The following DNAJB4 variants were observed in gnomAD, a reference collection of about 807,000 sequenced individuals.
DNAJB4 encodes dnaJ homolog subfamily B member 4.
Under a neutral mutation model 26.6 loss-of-function variants are expected in DNAJB4, and 10 were observed. The observed-to-expected ratio is 0.38, with a 90% confidence interval of 0.23 to 0.64. DNAJB4 has a LOEUF of 0.64. Among genes scored for constraint, DNAJB4 ranks in the 30% least tolerant of loss-of-function variants. The pLI, the probability that DNAJB4 is intolerant of heterozygous loss-of-function variation, is 0.58. For synonymous variants in DNAJB4, 136 were observed against 134.8 expected (o/e 1.01, Z -0.06); for missense variants, 328 against 408.2 (o/e 0.80, Z 1.69).
chr1:77,984,819 T>A (rs1037203510), intron 1 of DNAJB4, among the ~76,000 whole-genome samples: 1 of 152,234 alleles, frequency 6.6e-6, no homozygotes, highest in Non-Finnish European at 1.5e-5. Flanking sequence ...CACTGAAGGG[T>A]AGTTTCACAC....
chr1:77,992,565 A>G (rs947885578), intron 1 of DNAJB4, among the ~76,000 whole-genome samples: 1 of 152,152 alleles, frequency 6.6e-6, no homozygotes, highest in African/African-American at 2.4e-5. Context: ...AGGTATGATT[A>G]TTAAACAGTC....
At position 78,016,338 on chromosome 1, in the gene DNAJB4, AG is replaced by A. The variant is rs1291427146; in HGVS notation, c.*92del. 1 of 1,106,156 alleles carries A rather than the reference AG, an allele frequency of 9.0e-7. No individual in the cohort carries two copies. Among genetic ancestry groups the A allele is most frequent in the Non-Finnish European group, 1.3e-6 (1 of 773,494 alleles). 68.5% of individuals were successfully genotyped at this position (1,106,156 alleles called of 1,614,324 possible). On this transcript the variant is annotated 3_prime_UTR_variant, in exon 3 of 3. Coordinates refer to ENST00000370763, the MANE Select transcript of DNAJB4 (RefSeq NM_007034.5). ...TGATGTAGATGTGAATTCTGTATAAAGATGTGTAAATTCTTTTGAGGGTTCA... is the reference window on the plus strand; with the variant it reads ...TGATGTAGATGTGAATTCTGTATAAAATGTGTAAATTCTTTTGAGGGTTCA...
intron 1 of DNAJB4, among the ~76,000 whole-genome samples, chr1:77,983,156 A>G (rs143463878): frequency 0.069 from 10,444 of 152,284 alleles, 461 homozygotes; most frequent in Middle Eastern, 0.12. Context: ...ATCATAGACA[A>G]GGTAAAGGAT....
At chr1:78,010,298 G>T (rs1306613505) in intron 1 of DNAJB4, among the ~76,000 whole-genome samples, 2 of 151,732 alleles carry the variant, frequency 1.3e-5, no homozygotes, top group African/African-American at 4.8e-5. Context: ...TAAGTCTATG[G>T]GATGAAGGAT....
At chr1:78,008,113 G>C (rs112079752) in intron 1 of DNAJB4, among the ~76,000 whole-genome samples, 3,708 of 152,300 alleles carry the variant, frequency 0.024, 50 homozygotes, top group Middle Eastern at 0.065. Flanking sequence ...TCAGCTAATA[G>C]GGAGGCTGAG....
intron 2 of DNAJB4, among the ~76,000 whole-genome samples, chr1:78,015,551 T>TTC (rs1338708102): frequency 5.0e-4 from 44 of 88,512 alleles, no homozygotes; most frequent in Non-Finnish European, 6.9e-4. Flanking sequence ...TTCTTTCTTC[T>TTC]TTTTTTTTTT....
upstream of DNAJB4, chr1:77,979,219 A>C (rs1659375258): frequency 1.8e-6 from 1 of 549,298 alleles, no homozygotes; most frequent in Non-Finnish European, 3.2e-6. Context: ...AGGAACAGAG[A>C]CGTCGCGAGG....
At chr1:78,009,771 G>T (rs1009585705) in intron 1 of DNAJB4, among the ~76,000 whole-genome samples, 1 of 151,900 alleles carries the variant, frequency 6.6e-6, no homozygotes, top group African/African-American at 2.4e-5. Context: ...GATTACAGGC[G>T]TGCGCCACCA....
chr1:78,002,729 C>T (rs919428611), upstream of DNAJB4, among the ~76,000 whole-genome samples: 10 of 152,118 alleles, frequency 6.6e-5, no homozygotes, highest in South Asian at 1.2e-3. Flanking sequence ...ACAACAATCG[C>T]GTAAATCACG....
intron 1 of DNAJB4, among the ~76,000 whole-genome samples, chr1:77,992,516 C>T (rs558681876): frequency 1.3e-5 from 2 of 151,528 alleles, no homozygotes; most frequent in South Asian, 2.1e-4. Context: ...TGACCAGGAC[C>T]GATGAATTAG....
rs1363560264 is a variant in DNAJB4, at chr1:78,016,379, TAG to T, written c.*136_*137del. 1.4e-6 allele frequency: 1 copy of T among 717,304 alleles called. No homozygotes were observed. The highest frequency in any genetic ancestry group is 2.2e-6 in the Non-Finnish European group (1 of 449,316). The allele number at this position is 717,304 out of a possible 1,614,324, so 44.4% of individuals were successfully genotyped here. A position where few individuals can be genotyped will look rare whatever the true frequency, so the allele number is the denominator to read the frequency against. ...TTGAGGGTTCATTAAATTGCATGAA[TAG>T]AGACGGGTCAAATAAATAGGCAAAA... On this transcript the variant is annotated 3_prime_UTR_variant, in exon 3 of 3. Transcript: ENST00000370763.
intron 1 of DNAJB4, among the ~76,000 whole-genome samples, chr1:77,982,809 A>T (rs1036866423): frequency 3.9e-5 from 6 of 152,206 alleles, no homozygotes; most frequent in Non-Finnish European, 7.3e-5. Flanking sequence ...AAAACGAAAG[A>T]AAGAAAGAAA....
chr1:78,008,567 T>C (rs749877995), intron 1 of DNAJB4, among the ~76,000 whole-genome samples: 6 of 152,212 alleles, frequency 3.9e-5, no homozygotes, highest in Admixed American at 3.3e-4. Flanking sequence ...CAGATCTTTC[T>C]TGCCTAGGAC....
intron 1 of DNAJB4, among the ~76,000 whole-genome samples, chr1:77,993,699 T>C (rs1310598292): frequency 6.6e-6 from 1 of 152,208 alleles, no homozygotes; most frequent in Non-Finnish European, 1.5e-5. Flanking sequence ...TATAGCACAG[T>C]GGGGTCTCAG....
chr1:77,996,163 A>T (rs1033370037), intron 1 of DNAJB4, among the ~76,000 whole-genome samples: 4 of 152,106 alleles, frequency 2.6e-5, no homozygotes, highest in Non-Finnish European at 5.9e-5. Flanking sequence ...TGATATATAT[A>T]TTTTTTGGAT....
At chr1:77,999,106 A>T (rs1343365927) in intron 1 of DNAJB4, among the ~76,000 whole-genome samples, 1 of 152,170 alleles carries the variant, frequency 6.6e-6, no homozygotes, top group African/African-American at 2.4e-5. Context: ...TTTTTTAGGA[A>T]ATTATAGTAT....
intron 1 of DNAJB4, among the ~76,000 whole-genome samples, chr1:77,994,035 G>A (rs544412634): frequency 3.9e-5 from 6 of 152,118 alleles, no homozygotes; most frequent in Non-Finnish European, 5.9e-5. Context: ...CAGTGGTTTC[G>A]TGATTATGTT....
At chr1:78,008,016 A>G (rs374849810) in intron 1 of DNAJB4, among the ~76,000 whole-genome samples, 12 of 152,352 alleles carry the variant, frequency 7.9e-5, no homozygotes, top group African/African-American at 2.4e-4. Context: ...AGAACACAGT[A>G]TATTTGTGTT....
intron 1 of DNAJB4, among the ~76,000 whole-genome samples, chr1:77,984,804 G>C (rs1659753843): frequency 6.6e-6 from 1 of 152,220 alleles, no homozygotes; most frequent in Non-Finnish European, 1.5e-5. Flanking sequence ...TTTGAGGCCA[G>C]ATGGCACTGA....
Sources: gnomAD v4.1 joint callset for allele counts (sites outside exome capture counted in the v4.1 genomes callset) on GRCh38, gnomAD v4.1.1 for gene constraint, MANE v1.5 for transcripts, NCBI Gene and HGNC (gene_info 2026-07-23, HGNC 2026-07-21) for gene names.